The following AGAP1 variants were observed in gnomAD, a reference collection of about 807,000 sequenced individuals.
AGAP1 encodes ArfGAP with GTPase domain, ankyrin repeat and PH domain 1, also known as arf-GAP with GTPase, ANK repeat and PH domain-containing protein 1.
Under a neutral mutation model 105.3 loss-of-function variants are expected in AGAP1, and 29 were observed. The ratio of observed to expected loss-of-function variants is 0.28; its 90% CI spans 0.21 to 0.38. AGAP1 has a LOEUF of 0.38. Among genes scored for constraint, AGAP1 ranks in the 10% least tolerant of loss-of-function variants. AGAP1 has a pLI of 1.00. For missense variants in AGAP1, 998 were observed against 1,165.1 expected (o/e 0.86, Z 2.09); for synonymous variants, 509 against 485.9 (o/e 1.05, Z -0.63).
At position 235,614,161 on chromosome 2, in the gene AGAP1, A is replaced by G. The variant is rs1311080038; in HGVS notation, c.164-95018A>G. Among the ~76,000 whole-genome samples, 1 of 152,180 alleles carries G rather than the reference A, an allele frequency of 6.6e-6. No individual in the cohort carries two copies. The highest frequency in any genetic ancestry group is 1.5e-5 in the Non-Finnish European group (1 of 68,036). On this transcript the variant is annotated intron_variant, in intron 1 of 17. Coordinates refer to ENST00000304032, the MANE Select transcript of AGAP1 (RefSeq NM_001037131.3). The surrounding 1 kb of genome is among the most constrained non-coding windows in gnomAD (Gnocchi z 4.7). Reference sequence around the variant, plus strand: ...CCTACTGGTGCTGGTGAGCAGAAACAGGCAAGGTCTTTGGCCTCAGGGGGT... The same window carrying G: ...CCTACTGGTGCTGGTGAGCAGAAACGGGCAAGGTCTTTGGCCTCAGGGGGT...
intron 16 of AGAP1, among the ~76,000 whole-genome samples, chr2:236,102,544 C>T (rs1347784148): frequency 5.8e-4 from 84 of 144,408 alleles, no homozygotes; most frequent in African/African-American, 2.0e-3. Flanking sequence ...GCTGAGATCG[C>T]GTCATTGCAC....
At chr2:235,669,690 G>A (rs1352928902) in intron 1 of AGAP1, 1 of 148,932 alleles carries the variant, frequency 6.7e-6, no homozygotes, top group East Asian at 2.0e-4. Context: ...GCGTCCCGGA[G>A]CCCAGGGAGT....
intron 6 of AGAP1, among the ~76,000 whole-genome samples, chr2:235,776,372 T>C (rs12465436): frequency 0.31 from 47,144 of 151,904 alleles, 7,704 homozygotes; most frequent in Admixed American, 0.42. Context: ...GTCAGCCTCC[T>C]GCTTCTGTAT....
At chr2:235,636,841 C>G (rs973445468) in intron 1 of AGAP1, among the ~76,000 whole-genome samples, 3 of 152,058 alleles carry the variant, frequency 2.0e-5, no homozygotes, top group Non-Finnish European at 1.5e-5. Flanking sequence ...TGATGGATGT[C>G]CTTCTGAGAA....
intron 6 of AGAP1, among the ~76,000 whole-genome samples, chr2:235,774,944 G>A (rs928904108): frequency 5.9e-5 from 9 of 152,156 alleles, no homozygotes; most frequent in Non-Finnish European, 2.9e-5. Context: ...GTGCCAAAAT[G>A]TCAGTTTGGG....
rs1003227415 is a variant in AGAP1 at position 235,866,750 on chromosome 2, G to A, written c.1051-16595G>A. On this transcript the variant is annotated intron_variant, in intron 9 of 17. Coordinates refer to ENST00000304032, the MANE Select transcript of AGAP1 (RefSeq NM_001037131.3). This position sits in a 1 kb window ranked among gnomAD's most constrained non-coding sequence, Gnocchi z 6.1. ...GGCCTCAGTGGGATTGGCTTCTCCT[G>A]AAGCCTCTCTCCTTGGCTTGCAGAC... Among the ~76,000 whole-genome samples, 11 of 152,200 alleles carry A rather than the reference G, an allele frequency of 7.2e-5. No individual in the cohort carries two copies. Among genetic ancestry groups the A allele is most frequent in the African/African-American group, 2.7e-4 (11 of 41,450 alleles).
At chr2:235,811,406 T>G (rs1376994695) in intron 9 of AGAP1, among the ~76,000 whole-genome samples, 2 of 152,252 alleles carry the variant, frequency 1.3e-5, no homozygotes, top group Non-Finnish European at 2.9e-5. Context: ...CGTATCATTT[T>G]TACTTGGTGG....
rs760216732 is a variant in AGAP1, at chr2:235,987,653, A to C, written c.1645+19030A>C. Among the ~76,000 whole-genome samples, 140 of 152,122 alleles carry C rather than the reference A, an allele frequency of 9.2e-4. 3 individuals carry two copies. The highest frequency in any genetic ancestry group is 7.8e-4 in the Non-Finnish European group (53 of 67,988). On this transcript the variant is annotated intron_variant, in intron 13 of 17. Transcript: ENST00000304032. ...TCCAATGTGGGCATTTAGTGCTATA[A>C]ATTTCCCTCTGAACACTGTTTTAGC...
rs935638208 is a variant in AGAP1, at chr2:235,569,246, C to T, written c.163+74397C>T. Reference sequence around the variant, plus strand: ...AGGAGAATCGCTTGAACCCAGGAGGCGGAGGTTGTAGTGACCCAAGATCAC... The same window carrying T: ...AGGAGAATCGCTTGAACCCAGGAGGTGGAGGTTGTAGTGACCCAAGATCAC... On this transcript the variant is annotated intron_variant, in intron 1 of 17. Coordinates refer to ENST00000304032, the MANE Select transcript of AGAP1 (RefSeq NM_001037131.3). This position sits in a 1 kb window ranked among gnomAD's most constrained non-coding sequence, Gnocchi z 5.9. Among the ~76,000 whole-genome samples, 2 of 152,070 alleles carry T rather than the reference C, an allele frequency of 1.3e-5. No homozygotes were observed. Among genetic ancestry groups the T allele is most frequent in the Non-Finnish European group, 2.9e-5 (2 of 68,016 alleles).
Position 235,908,703 on chromosome 2 carries a change from T to C in AGAP1, c.1156-35T>C, listed in dbSNP as rs754176645. On this transcript the variant is annotated intron_variant, in intron 10 of 17. Coordinates refer to ENST00000304032, the MANE Select transcript of AGAP1 (RefSeq NM_001037131.3). This position sits in a 1 kb window ranked among gnomAD's most constrained non-coding sequence, Gnocchi z 4.4. ...AGGTTGTAAAAGGTCTTTTTTTTTTTTTTATCTCTCTTGGATGTTTAACAT... is the reference window on the plus strand; with the variant it reads ...AGGTTGTAAAAGGTCTTTTTTTTTTCTTTATCTCTCTTGGATGTTTAACAT... 7.8e-6 allele frequency: 12 copies of C among 1,542,606 alleles called. No individual in the cohort carries two copies. The East Asian group carries it at 2.7e-4, about 35-fold the overall frequency.
intron 1 of AGAP1, among the ~76,000 whole-genome samples, chr2:235,640,909 G>T (rs554813721): frequency 4.6e-5 from 7 of 152,292 alleles, no homozygotes; most frequent in African/African-American, 1.7e-4. Context: ...ACTCATTTAG[G>T]TGGGCTGGCA....
rs553759230 is a variant in AGAP1, at chr2:235,843,729, T to A, written c.1050+36398T>A. Reference sequence around the variant, plus strand: ...TGGGATCTTTTTCATCTCATCAGCCTAGCTCCCGGCAGGACCTCCCCACTG... The same window carrying A: ...TGGGATCTTTTTCATCTCATCAGCCAAGCTCCCGGCAGGACCTCCCCACTG... On this transcript the variant is annotated intron_variant, in intron 9 of 17. Coordinates refer to ENST00000304032, the MANE Select transcript of AGAP1 (RefSeq NM_001037131.3). This position sits in a 1 kb window ranked among gnomAD's most constrained non-coding sequence, Gnocchi z 5.9. 1.0e-3 allele frequency among the ~76,000 whole-genome samples: 155 copies of A among 152,298 alleles called. No homozygotes were observed. Among genetic ancestry groups the A allele is most frequent in the Admixed American group, 2.2e-3 (33 of 15,304 alleles).
At chr2:235,765,423 A>G (rs1228256840) in intron 6 of AGAP1, among the ~76,000 whole-genome samples, 1 of 152,082 alleles carries the variant, frequency 6.6e-6, no homozygotes, top group Non-Finnish European at 1.5e-5. Flanking sequence ...TCCAGTGGGA[A>G]CATGTGCCTG....
rs2057661229 is a variant in AGAP1, at chr2:236,044,665, C to G, written c.1891+3824C>G. ...CCTACAGTAGGAGCACATCCAGGCTCTCATCTTTAGCTTGGCCCACAAATA... is the reference window on the plus strand; with the variant it reads ...CCTACAGTAGGAGCACATCCAGGCTGTCATCTTTAGCTTGGCCCACAAATA... On this transcript the variant is annotated intron_variant, in intron 15 of 17. Transcript: ENST00000304032. The surrounding 1 kb of genome is among the most constrained non-coding windows in gnomAD (Gnocchi z 5.7). Among the ~76,000 whole-genome samples the G allele has an allele frequency of 6.6e-6, 1 of 152,150 alleles. No individual in the cohort carries two copies. The highest frequency in any genetic ancestry group is 6.5e-5 in the Admixed American group (1 of 15,276).
intron 9 of AGAP1, among the ~76,000 whole-genome samples, chr2:235,876,943 G>C (rs1028909854): frequency 6.6e-6 from 1 of 151,572 alleles, no homozygotes; most frequent in Admixed American, 6.6e-5. Context: ...TGCCTCCCGG[G>C]TTCAAGCAAT....
At chr2:235,522,156 G>A (rs867512160) in intron 1 of AGAP1, among the ~76,000 whole-genome samples, 1 of 152,182 alleles carries the variant, frequency 6.6e-6, no homozygotes, top group Non-Finnish European at 1.5e-5. Context: ...AGGCTTCCTG[G>A]CAGTTCCTTA....
intron 16 of AGAP1, among the ~76,000 whole-genome samples, chr2:236,108,225 T>G (rs1341034683): frequency 1.3e-5 from 2 of 152,234 alleles, no homozygotes; most frequent in Non-Finnish European, 2.9e-5. Context: ...GGCCGGGGTC[T>G]TCCCCTACCG....
chr2:236,024,020 T>G (rs10929158), intron 13 of AGAP1, among the ~76,000 whole-genome samples: 89,464 of 143,728 alleles, frequency 0.62, 28,933 homozygotes, highest in South Asian at 0.8. Flanking sequence ...TGTGGTTGGT[T>G]GTTTTTTTTT....
rs1235590754 is a variant in AGAP1 at position 235,725,886 on chromosome 2, CATT to C, written c.310+8250_310+8252del. On this transcript the variant is annotated intron_variant, in intron 3 of 17. Transcript: ENST00000304032. The surrounding 1 kb of genome is among the most constrained non-coding windows in gnomAD (Gnocchi z 5.7). ...TCTAAAAATAGGTAAAGGATGCTAA[CATT>C]ATTATTAGATGTTCAAAAAAATAAT... is the stretch of plus-strand genomic sequence containing the variant. 6.6e-6 allele frequency among the ~76,000 whole-genome samples: 1 copy of C among 152,008 alleles called. No individual in the cohort carries two copies. Among genetic ancestry groups the C allele is most frequent in the Non-Finnish European group, 1.5e-5 (1 of 68,032 alleles).
Sources: allele counts gnomAD v4.1 joint callset (sites outside exome capture counted in the v4.1 genomes callset), GRCh38; gene constraint gnomAD v4.1.1; non-coding constraint Gnocchi (gnomAD v3.1); transcripts MANE v1.5; gene names NCBI Gene and HGNC (gene_info 2026-07-23, HGNC 2026-07-21).